Variants in TMEM114 observed in about 807,000 individuals in gnomAD.
TMEM114 encodes the protein transmembrane protein 114.
Under a neutral mutation model 6.2 loss-of-function variants are expected in TMEM114, and 6 were observed. That is an observed-to-expected ratio of 0.97 (90% CI 0.53 to 1.91). The LOEUF is 1.91. Among genes scored for constraint, TMEM114 ranks in the 40% most tolerant of loss-of-function variants. The pLI is 0.01. For synonymous variants in TMEM114, 104 were observed against 73.0 expected, an observed-to-expected ratio of 1.42 and a Z score of -2.16; for missense variants, 218 against 158.3, an observed-to-expected ratio of 1.38 and a Z score of -2.02.
At chr16:8,543,730 C>G (rs952410580) in intron 2 of TMEM114, among the ~76,000 whole-genome samples, 1 of 152,196 alleles carries the variant, frequency 6.6e-6, no homozygotes, top group Non-Finnish European at 1.5e-5. Context: ...CCACCTGTCT[C>G]TCTCCTCCTG....
chr16:8,564,065 G>C (rs1008582291), intron 2 of TMEM114, among the ~76,000 whole-genome samples: 1 of 148,156 alleles, frequency 6.7e-6, no homozygotes, highest in East Asian at 1.9e-4. Flanking sequence ...GAGTAAATGA[G>C]TGAGTGAGTG....
chr16:8,566,559 C>A (rs989795577), downstream of TMEM114, among the ~76,000 whole-genome samples: 7 of 152,132 alleles, frequency 4.6e-5, no homozygotes, highest in African/African-American at 1.7e-4. Context: ...CAGGATAGAA[C>A]AGAACAGAAC....
intron 2 of TMEM114, among the ~76,000 whole-genome samples, chr16:8,562,188 G>T (rs1487638745): frequency 6.6e-6 from 1 of 151,258 alleles, no homozygotes; most frequent in East Asian, 1.9e-4. Flanking sequence ...GAGTCAGTGA[G>T]TGAGTGAATG....
chr16:8,590,502 A>T lies in TMEM114; in HGVS notation c.-664T>A, dbSNP rs916171778. Among the ~76,000 whole-genome samples the T allele has an allele frequency of 2.5e-4, 38 of 152,208 alleles. No individual in the cohort carries two copies. Among genetic ancestry groups the T allele is most frequent in the Non-Finnish European group, 5.0e-4 (34 of 68,006 alleles). ...TGAGCCCTCCTCCTCGCCGAGGAAA[A>T]GCTCGGAGTGCGCACGCAGCATGGA... On this transcript the variant is annotated 5_prime_UTR_variant, in exon 1 of 4. Transcript: ENST00000620492.
chr16:8,531,115 G>A, the TMEM114 span, among the ~76,000 whole-genome samples: 1 of 152,118 alleles, frequency 6.6e-6, no homozygotes, highest in African/African-American at 2.4e-5. Flanking sequence ...ACTTTCTAAT[G>A]CATTAAGCAA....
chr16:8,553,952 C>T (rs1900925786), intron 2 of TMEM114, among the ~76,000 whole-genome samples: 1 of 151,676 alleles, frequency 6.6e-6, no homozygotes, highest in South Asian at 2.1e-4. Context: ...AATCTCAGCT[C>T]ACTGCAACCT....
At chr16:8,588,489 C>T (rs1028128285) in intron 2 of TMEM114, among the ~76,000 whole-genome samples, 21 of 152,302 alleles carry the variant, frequency 1.4e-4, no homozygotes, top group Non-Finnish European at 2.4e-4. Context: ...CCACGTCTGG[C>T]TTATCTCAAG....
rs1482550564 is a variant in TMEM114 at position 8,590,024 on chromosome 16, C to A, written c.-186G>T. The A allele has an allele frequency of 5.3e-6, 2 of 380,794 alleles. No homozygotes were observed. The highest frequency in any genetic ancestry group is 3.8e-5 in the East Asian group (1 of 26,366). 23.6% of individuals were successfully genotyped at this position (380,794 alleles called of 1,614,324 possible). On this transcript the variant is annotated 5_prime_UTR_variant, in exon 1 of 4. Transcript: ENST00000620492. ...GCTTAGACCCTGGCTCCTCACCTGC[C>A]GGCTCCGACCTGCACGCGCCCCCCG... is the stretch of plus-strand genomic sequence containing the variant.
chr16:8,538,133 C>CA (rs59194084), intron 2 of TMEM114, among the ~76,000 whole-genome samples: 1,565 of 76,322 alleles, frequency 0.021, 98 homozygotes, highest in Non-Finnish European at 0.028. Context: ...ACTGTCTCTA[C>CA]AAAAAAAAAA....
At chr16:8,565,802 C>CG (rs1901523341), downstream of TMEM114, among the ~76,000 whole-genome samples, 1 of 152,174 alleles carries the variant, frequency 6.6e-6, no homozygotes, top group Non-Finnish European at 1.5e-5. Context: ...TGCCCAGGTC[C>CG]GCCCTCGAGG....
intron 2 of TMEM114, among the ~76,000 whole-genome samples, chr16:8,561,774 G>A (rs1901210925): frequency 6.6e-6 from 1 of 151,036 alleles, no homozygotes; most frequent in Non-Finnish European, 1.5e-5. Flanking sequence ...AGTGAGTGAG[G>A]TAATGAGTGA....
At chr16:8,553,526 C>T (rs932852365) in intron 2 of TMEM114, among the ~76,000 whole-genome samples, 7 of 152,116 alleles carry the variant, frequency 4.6e-5, no homozygotes, top group Non-Finnish European at 7.4e-5. Flanking sequence ...CGCTGTGTCA[C>T]CCAGGCTGGA....
At chr16:8,537,179 T>C (rs541753726), downstream of TMEM114, among the ~76,000 whole-genome samples, 2 of 151,880 alleles carry the variant, frequency 1.3e-5, no homozygotes, top group Non-Finnish European at 2.9e-5. Flanking sequence ...CAGTCCATCC[T>C]GGGCAGCAGA....
chr16:8,563,159 G>A (rs1443388603), intron 2 of TMEM114, among the ~76,000 whole-genome samples: 1 of 150,992 alleles, frequency 6.6e-6, no homozygotes, highest in African/African-American at 2.4e-5. Flanking sequence ...CTGAATGAGT[G>A]AGTGAGTGAG....
chr16:8,590,011 G>C lies in TMEM114; in HGVS notation c.-173C>G. 2 of 382,348 alleles carry C rather than the reference G, an allele frequency of 5.2e-6. No individual in the cohort carries two copies. The highest frequency in any genetic ancestry group is 9.2e-6 in the Non-Finnish European group (2 of 216,280). 23.7% of individuals were successfully genotyped at this position (382,348 alleles called of 1,614,324 possible). ...ACCCCGGGCCCTAGCTTAGACCCTGGCTCCTCACCTGCCGGCTCCGACCTG... is the reference window on the plus strand; with the variant it reads ...ACCCCGGGCCCTAGCTTAGACCCTGCCTCCTCACCTGCCGGCTCCGACCTG... On this transcript the variant is annotated 5_prime_UTR_variant, in exon 1 of 4. Transcript: ENST00000620492.
chr16:8,546,456 G>A (rs1434471327), intron 2 of TMEM114, among the ~76,000 whole-genome samples: 2 of 152,130 alleles, frequency 1.3e-5, no homozygotes, highest in Non-Finnish European at 2.9e-5. Context: ...CCAAAAATCT[G>A]CAGCGACCAG....
intron 2 of TMEM114, among the ~76,000 whole-genome samples, chr16:8,550,695 A>T (rs1169743788): frequency 8.1e-6 from 1 of 124,096 alleles, no homozygotes; most frequent in Non-Finnish European, 1.6e-5. Context: ...CAAAAAAAAA[A>T]AAACCAAAAA....
intron 2 of TMEM114, among the ~76,000 whole-genome samples, chr16:8,557,169 C>T (rs1412281294): frequency 6.6e-6 from 1 of 152,150 alleles, no homozygotes; most frequent in African/African-American, 2.4e-5. Flanking sequence ...AGGTTGAGGT[C>T]TATGTTCCCT....
At chr16:8,546,320 C>T (rs935791219) in intron 2 of TMEM114, among the ~76,000 whole-genome samples, 4 of 152,146 alleles carry the variant, frequency 2.6e-5, no homozygotes, top group Non-Finnish European at 5.9e-5. Flanking sequence ...TGTCACCTGT[C>T]AGCAATTGTA....
Sources: gnomAD v4.1 joint callset for allele counts (sites outside exome capture counted in the v4.1 genomes callset) on GRCh38, gnomAD v4.1.1 for gene constraint, MANE v1.5 for transcripts, NCBI Gene and HGNC (gene_info 2026-07-23, HGNC 2026-07-21) for gene names.